Variants in NDUFAF2 observed in about 807,000 individuals in gnomAD.
The protein encoded by NDUFAF2 is NADH:ubiquinone oxidoreductase complex assembly factor 2.
Under a neutral mutation model 22.8 loss-of-function variants are expected in NDUFAF2, and 13 were observed. The observed-to-expected ratio is 0.57, with a 90% CI of 0.37 to 0.91. The LOEUF (loss-of-function observed/expected upper bound fraction) is 0.91, where lower values mean the gene tolerates loss of function less well. Ranked by LOEUF, NDUFAF2 falls within the 40% of genes least tolerant of loss-of-function variation. The pLI is 0.01. For synonymous variants in NDUFAF2, 53 were observed against 64.2 expected (o/e 0.83, Z 0.84); for missense variants, 162 against 195.2 (o/e 0.83, Z 1.01).
At chr5:60,950,286 A>T (rs994126245) in intron 1 of NDUFAF2, among the ~76,000 whole-genome samples, 13 of 152,078 alleles carry the variant, frequency 8.5e-5, no homozygotes, top group African/African-American at 2.9e-4. Flanking sequence ...TCCTGGTTTC[A>T]AGCGATTTTT....
chr5:60,954,735 G>A (rs75804845), intron 1 of NDUFAF2, among the ~76,000 whole-genome samples: 2,001 of 151,186 alleles, frequency 0.013, 48 homozygotes, highest in African/African-American at 0.046. Flanking sequence ...ATGAGCCACC[G>A]TGCTCTGCTG....
At chr5:60,969,461 GA>G (rs778503526) in intron 1 of NDUFAF2, among the ~76,000 whole-genome samples, 9 of 152,044 alleles carry the variant, frequency 5.9e-5, no homozygotes, top group Non-Finnish European at 1.3e-4. Context: ...CTCTGATGAT[GA>G]ACGATGTTGT....
chr5:61,014,362 G>A (rs547337849), intron 1 of NDUFAF2, among the ~76,000 whole-genome samples: 36 of 152,300 alleles, frequency 2.4e-4, no homozygotes, highest in African/African-American at 8.4e-4. Context: ...CATGGGGACA[G>A]AAGTTCTTGT....
At chr5:61,101,669 A>G (rs997481895) in intron 3 of NDUFAF2, among the ~76,000 whole-genome samples, 5 of 152,020 alleles carry the variant, frequency 3.3e-5, no homozygotes, top group Admixed American at 6.6e-5. Flanking sequence ...ACTTTCTTTC[A>G]TATCTCCTAT....
At chr5:61,147,527 G>A (rs1741159540) in intron 3 of NDUFAF2, among the ~76,000 whole-genome samples, 1 of 135,964 alleles carries the variant, frequency 7.4e-6, no homozygotes, top group Admixed American at 8.5e-5. Context: ...ACCCACCTCA[G>A]CCTCCCAACG....
intron 3 of NDUFAF2, among the ~76,000 whole-genome samples, chr5:61,102,852 G>A (rs1244053393): frequency 1.3e-5 from 2 of 151,872 alleles, no homozygotes; most frequent in Non-Finnish European, 2.9e-5. Context: ...TGTAAGACAC[G>A]TTTTAAGTAT....
At chr5:61,027,621 C>T (rs913145203) in intron 1 of NDUFAF2, among the ~76,000 whole-genome samples, 4 of 151,970 alleles carry the variant, frequency 2.6e-5, no homozygotes, top group Admixed American at 1.3e-4. Flanking sequence ...CTCAGGCATA[C>T]ACATTTTAGG....
chr5:61,020,755 A>G (rs1344126256), intron 1 of NDUFAF2, among the ~76,000 whole-genome samples: 2 of 151,952 alleles, frequency 1.3e-5, no homozygotes, highest in East Asian at 3.9e-4. Flanking sequence ...CAGCAGCACA[A>G]TCTCTGCTCA....
intron 1 of NDUFAF2, among the ~76,000 whole-genome samples, chr5:61,070,596 T>TACAC (rs10651718): frequency 0.39 from 57,282 of 147,810 alleles, 11,537 homozygotes; most frequent in East Asian, 0.63. Context: ...TGTCTTTGCA[T>TACAC]ACACACACAC....
At chr5:61,007,177 A>C (rs1407025153) in intron 1 of NDUFAF2, among the ~76,000 whole-genome samples, 1 of 151,962 alleles carries the variant, frequency 6.6e-6, no homozygotes, top group East Asian at 1.9e-4. Context: ...TGTTTTAGAC[A>C]TGAAGTCCTT....
chr5:61,016,479 G>A (rs1751512771), intron 1 of NDUFAF2, among the ~76,000 whole-genome samples: 1 of 152,176 alleles, frequency 6.6e-6, no homozygotes, highest in Non-Finnish European at 1.5e-5. Context: ...TAGCATGAAA[G>A]CTGGTAAATA....
chr5:61,043,004 G>T (rs1407541005), intron 1 of NDUFAF2, among the ~76,000 whole-genome samples: 3 of 152,180 alleles, frequency 2.0e-5, no homozygotes, highest in Non-Finnish European at 4.4e-5. Context: ...CGGATCACTT[G>T]AGGTGAGGAG....
intron 3 of NDUFAF2, among the ~76,000 whole-genome samples, chr5:61,130,377 A>G (rs1753094014): frequency 6.6e-6 from 1 of 152,146 alleles, no homozygotes; most frequent in Admixed American, 6.6e-5. Context: ...AAAAGGGAAC[A>G]GTAGATTTTG....
intron 1 of NDUFAF2, among the ~76,000 whole-genome samples, chr5:61,003,480 C>T (rs1215782882): frequency 6.6e-6 from 1 of 151,798 alleles, no homozygotes; most frequent in African/African-American, 2.4e-5. Flanking sequence ...TACTATCCAT[C>T]AAATAAAGGG....
At chr5:61,098,926 T>G in intron 2 of NDUFAF2, 66 bp from the exon 3 acceptor site, 5 of 1,404,388 alleles carry the variant, frequency 3.6e-6, no homozygotes, top group Non-Finnish European at 4.0e-6. Flanking sequence ...AAAAATTTGT[T>G]TTATGGATAA....
chr5:61,003,493 A>G (rs530055276), intron 1 of NDUFAF2, among the ~76,000 whole-genome samples: 1 of 152,164 alleles, frequency 6.6e-6, no homozygotes, highest in Non-Finnish European at 1.5e-5. Flanking sequence ...ATAAAGGGTT[A>G]TATCCTTGGG....
At chr5:61,147,437 CTTTTTT>C (rs1240336890) in intron 3 of NDUFAF2, among the ~76,000 whole-genome samples, 1 of 84,728 alleles carries the variant, frequency 1.2e-5, no homozygotes, top group African/African-American at 4.1e-5. Context: ...TTTTTTCTTT[CTTTTTT>C]TTTTTTTTTT....
intron 3 of NDUFAF2, among the ~76,000 whole-genome samples, chr5:61,133,668 A>G (rs1013196632): frequency 6.6e-5 from 10 of 152,218 alleles, no homozygotes; most frequent in African/African-American, 2.4e-4. Context: ...ATACAACTGC[A>G]CTATACAAAG....
chr5:60,985,969 G>A (rs1751069149), intron 1 of NDUFAF2, among the ~76,000 whole-genome samples: 1 of 152,204 alleles, frequency 6.6e-6, no homozygotes, highest in Non-Finnish European at 1.5e-5. Flanking sequence ...CCAGCTAAAT[G>A]GCTTGTGTCC....
Sources: gnomAD v4.1 joint callset for allele counts (sites outside exome capture counted in the v4.1 genomes callset) on GRCh38, gnomAD v4.1.1 for gene constraint, MANE v1.5 for transcripts, NCBI Gene and HGNC (gene_info 2026-07-23, HGNC 2026-07-21) for gene names.